The following OAS2 variants were observed in gnomAD, a reference collection of about 807,000 sequenced individuals.
The protein encoded by OAS2 is 2'-5'-oligoadenylate synthetase 2.
In OAS2, 67 loss-of-function variants were observed where a neutral mutation model predicts 71.3. The ratio of observed to expected loss-of-function variants is 0.94; its 90% confidence interval spans 0.77 to 1.15. The LOEUF (loss-of-function observed/expected upper bound fraction) is 1.15, where lower values mean the gene tolerates loss of function less well. Among genes scored for constraint, OAS2 ranks in the 50% most tolerant of loss-of-function variants. The probability of loss-of-function intolerance (pLI) is 0.00; values close to 1 mark genes in which losing one functional copy is unlikely to be tolerated. For synonymous variants in OAS2, 327 were observed against 321.8 expected, an observed-to-expected ratio of 1.02 and a Z score of -0.17; for missense variants, 789 against 822.5, an observed-to-expected ratio of 0.96 and a Z score of 0.50.
intron 1 of OAS2, among the ~76,000 whole-genome samples, chr12:112,986,238 C>CATGCTGGT (rs2044133875): frequency 6.6e-6 from 1 of 152,182 alleles, no homozygotes; most frequent in Non-Finnish European, 1.5e-5. Context: ...GTATGCCAGG[C>CATGCTGGT]ATGCTGGTCC....
In OAS2 at chr12:113,011,284, T is replaced by A. The variant is rs1428713401; in HGVS notation, c.*2029T>A. 6.6e-6 allele frequency: 1 copy of A among 152,194 alleles called. No individual in the cohort carries two copies. Among genetic ancestry groups the A allele is most frequent in the Non-Finnish European group, 1.5e-5 (1 of 68,036 alleles). 9.4% of individuals were successfully genotyped at this position (152,194 alleles called of 1,614,324 possible). ...AGTTTCCTGATAGGAGTGTCTTTTG[T>A]ATTCATAACAAGCCCTTTTCACCCA... On this transcript the variant is annotated 3_prime_UTR_variant, in exon 10 of 10. Transcript: ENST00000392583.
rs13311 is a variant in OAS2, at chr12:113,010,847, C to A, written c.*1592C>A. On this transcript the variant is annotated 3_prime_UTR_variant, in exon 10 of 10. Transcript: ENST00000392583. ...CCCTTGGTTCTCATAACTCTGTGATCTTGCTCTCGGTGCTTCCAACTCATC... is the reference window on the plus strand; with the variant it reads ...CCCTTGGTTCTCATAACTCTGTGATATTGCTCTCGGTGCTTCCAACTCATC... The A allele has an allele frequency of 0.38, 60,506 of 160,106 alleles. 11,803 individuals are homozygous for A. Among genetic ancestry groups the A allele is most frequent in the East Asian group, 0.52 (2,775 of 5,384 alleles). 9.9% of individuals were successfully genotyped at this position (160,106 alleles called of 1,614,324 possible).
At chr12:112,989,731 T>G (rs1424704384) in intron 2 of OAS2, among the ~76,000 whole-genome samples, 1 of 152,140 alleles carries the variant, frequency 6.6e-6, no homozygotes, top group Non-Finnish European at 1.5e-5. Flanking sequence ...CATGTCCAGC[T>G]CCTCCTTCCC....
Position 112,997,606 on chromosome 12 carries a change from A to G in OAS2, c.714A>G (p.Arg238=). 6.2e-7 allele frequency: 1 copy of G among 1,614,208 alleles called. No homozygotes were observed. The highest frequency in any genetic ancestry group is 2.2e-5 in the East Asian group (1 of 44,896). ...TGTATGCCTGGGAACAGGGGTGCAGAAAAGACAACTTTGACATTGCTGAAG... is the reference window on the plus strand; with the variant it reads ...TGTATGCCTGGGAACAGGGGTGCAGGAAAGACAACTTTGACATTGCTGAAG... ...LTVYAWEQGC[R]KDNFDIAEGV... Residue 238 remains arginine, a synonymous_variant, in exon 4 of 10, where the codon AGA becomes AGG. Transcript: ENST00000392583.
chr12:113,007,868 T>C lies in OAS2; in HGVS notation c.1820T>C (p.Ile607Thr), dbSNP rs748799963. 9.3e-6 allele frequency: 15 copies of C among 1,614,068 alleles called. No individual in the cohort carries two copies. In the Admixed American group the frequency reaches 1.8e-4, roughly 20 times the overall value. ...ELVTQYQQLCIFWKVNYNFED... is the reference protein window; with the variant it reads ...ELVTQYQQLCTFWKVNYNFED... ...GTCACACAATATCAGCAGCTCTGCA[T>C]CTTCTGGAAGGTCAATTACAACTTT... is the stretch of plus-strand genomic sequence containing the variant. Residue 607 changes from isoleucine (I) to threonine (T), a missense_variant, in exon 9 of 10, where the codon ATC becomes ACC. Physicochemically the swap from Ile to Thr is moderately conservative, Grantham distance 89. Transcript: ENST00000392583.
Position 112,987,795 on chromosome 12 carries a change from G to C in OAS2, c.448+487G>C, listed in dbSNP as rs991831791. ...GCATTTGAAGTCTGCCTTCCTACCAGGTCAAAATCAAGGCAACGACCTTCC... is the reference window on the plus strand; with the variant it reads ...GCATTTGAAGTCTGCCTTCCTACCACGTCAAAATCAAGGCAACGACCTTCC... On this transcript the variant is annotated intron_variant, in intron 2 of 9. Coordinates refer to ENST00000392583, the MANE Select transcript of OAS2 (RefSeq NM_002535.3). The C allele has an allele frequency of 6.1e-6, 6 of 991,170 alleles. No individual in the cohort carries two copies. In the South Asian group the frequency reaches 2.8e-4, roughly 46 times the overall value. The allele number at this position is 991,170 out of a possible 1,614,324, so 61.4% of individuals were successfully genotyped here.
chr12:112,994,690 G>A (rs1218547462), intron 2 of OAS2, among the ~76,000 whole-genome samples: 1 of 152,108 alleles, frequency 6.6e-6, no homozygotes. Flanking sequence ...CCAAAGTGCT[G>A]GGATTACAGG....
chr12:112,998,340 AAG>A lies in OAS2; in HGVS notation c.940_941del (p.Glu314SerfsTer12). On this transcript the variant is annotated frameshift_variant, in exon 5 of 10. Coordinates refer to ENST00000392583, the MANE Select transcript of OAS2 (RefSeq NM_002535.3). LOFTEE classifies it high-confidence loss of function. ...AAAATATGCTGGCAATGGCTGAAAA[AAG>A]AAGCTCAAACCTGGTTGACTTCTCC... 6.2e-7 allele frequency: 1 copy of A among 1,609,518 alleles called. No homozygotes were observed. The highest frequency in any genetic ancestry group is 8.5e-7 in the Non-Finnish European group (1 of 1,179,004).
chr12:113,006,225 G>A (rs2044333903), intron 7 of OAS2, among the ~76,000 whole-genome samples, 188 bp from the exon 8 acceptor site: 1 of 152,200 alleles, frequency 6.6e-6, no homozygotes, highest in Non-Finnish European at 1.5e-5. Flanking sequence ...CACCTGTGTA[G>A]ACCACATAAT....
chr12:112,988,280 G>GTTTA, intron 2 of OAS2: 1 of 948,220 alleles, frequency 1.1e-6, no homozygotes, highest in Non-Finnish European at 1.3e-6. Context: ...TAACTGAGCA[G>GTTTA]ACAATTCACA....
rs145132468 is a variant in OAS2 at position 113,011,574 on chromosome 12, T to G, written c.*2319T>G. On this transcript the variant is annotated 3_prime_UTR_variant, in exon 10 of 10. Coordinates refer to ENST00000392583, the MANE Select transcript of OAS2 (RefSeq NM_002535.3). ...GGGGAGCTTCCTGATTGGCAGACATTCCAATGTACTAGGAAGGTAGCGCAT... is the reference window on the plus strand; with the variant it reads ...GGGGAGCTTCCTGATTGGCAGACATGCCAATGTACTAGGAAGGTAGCGCAT... 2 of 152,348 alleles carry G rather than the reference T, an allele frequency of 1.3e-5. No homozygotes were observed. Among genetic ancestry groups the G allele is most frequent in the African/African-American group, 4.8e-5 (2 of 41,576 alleles). The allele number at this position is 152,348 out of a possible 1,614,324, so 9.4% of individuals were successfully genotyped here.
rs1320821350 is a variant in OAS2, at chr12:112,998,303, G to T, written c.901G>T (p.Val301Leu). ...ILDPVDPTNN[V>L]SGDKICWQWL... The stretch of plus-strand genomic sequence containing the variant: ...GGATCCAGTTGACCCAACCAATAAT[G>T]TGAGTGGAGATAAAATATGCTGGCA... The change falls in exon 5 of 10, where the codon GTG (valine) becomes TTG (leucine). Residue 301 changes from valine (V) to leucine (L), a missense_variant. Transcript: ENST00000392583. The T allele has an allele frequency of 5.0e-6, 8 of 1,612,628 alleles. No homozygotes were observed. Among genetic ancestry groups the T allele is most frequent in the Non-Finnish European group, 6.8e-6 (8 of 1,179,524 alleles).
chr12:112,995,258 A>G (rs746658128), intron 2 of OAS2, 38 bp from the exon 3 acceptor site: 1 of 1,577,670 alleles, frequency 6.3e-7, no homozygotes. Context: ...AAACCAGGTT[A>G]CATAAATAAC....
intron 1 of OAS2, among the ~76,000 whole-genome samples, chr12:112,980,041 G>A (rs932405391): frequency 3.3e-5 from 5 of 152,210 alleles, no homozygotes; most frequent in Admixed American, 2.0e-4. Context: ...TTTATGTTGT[G>A]GGGTACAGTT....
At chr12:113,001,887 A>AAAAAAAAAAAAAAT (rs56814612) in intron 5 of OAS2, among the ~76,000 whole-genome samples, 1 of 110,716 alleles carries the variant, frequency 9.0e-6, no homozygotes, top group Non-Finnish European at 1.7e-5. Context: ...AAAAAAAAAA[A>AAAAAAAAAAAAAAT]AGCTAGGCGT....
intron 7 of OAS2, 21 bp downstream of exon 7, chr12:113,005,243 G>C (rs917636847): frequency 2.4e-5 from 38 of 1,598,798 alleles, no homozygotes; most frequent in Non-Finnish European, 3.1e-5. Context: ...CCAGACCTTA[G>C]CTTGGAAGTG....
chr12:113,003,194 T>G (rs1593204973), intron 6 of OAS2, 92 bp downstream of exon 6: 2 of 1,322,152 alleles, frequency 1.5e-6, no homozygotes, highest in East Asian at 4.6e-5. Flanking sequence ...CTCTCCAGGA[T>G]CCATCTACCT....
At chr12:113,000,499 C>T (rs1053590161) in intron 5 of OAS2, among the ~76,000 whole-genome samples, 10 of 142,122 alleles carry the variant, frequency 7.0e-5, no homozygotes, top group Admixed American at 7.1e-5. Flanking sequence ...CACACACACA[C>T]GTACATGCAT....
At chr12:112,993,885 A>T (rs1237424203) in intron 2 of OAS2, among the ~76,000 whole-genome samples, 1 of 152,058 alleles carries the variant, frequency 6.6e-6, no homozygotes, top group Non-Finnish European at 1.5e-5. Context: ...AAGTAAGAAT[A>T]ATGATGAAAC....
Sources: gnomAD v4.1 joint callset for allele counts (sites outside exome capture counted in the v4.1 genomes callset) on GRCh38, gnomAD v4.1.1 for gene constraint, MANE v1.5 for transcripts, NCBI Gene and HGNC (gene_info 2026-07-23, HGNC 2026-07-21) for gene names.